Variants in CEP104 observed in about 807,000 individuals in gnomAD.
The protein encoded by CEP104 is centrosomal protein of 104 kDa.
CEP104 carries 84 observed loss-of-function variants against 113.3 expected under a neutral mutation model. The ratio of observed to expected loss-of-function variants is 0.74; its 90% confidence interval spans 0.62 to 0.89. CEP104 has a LOEUF of 0.89. Among genes scored for constraint, CEP104 ranks in the 40% least tolerant of loss-of-function variants. The probability of loss-of-function intolerance (pLI) is 0.00; values close to 1 mark genes in which losing one functional copy is unlikely to be tolerated. For missense variants in CEP104, 1,053 were observed against 1,156.6 expected, an observed-to-expected ratio of 0.91 and a Z score of 1.30; for synonymous variants, 378 against 421.7, an observed-to-expected ratio of 0.90 and a Z score of 1.27.
intron 20 of CEP104, among the ~76,000 whole-genome samples, chr1:3,818,374 C>G (rs1234625690): frequency 6.6e-6 from 1 of 152,224 alleles, no homozygotes; most frequent in African/African-American, 2.4e-5. Context: ...CTCCACAGCT[C>G]CAGGCTAAGC....
chr1:3,831,359 GAGC>G, intron 12 of CEP104, 137 bp from the exon 13 acceptor site: 1 of 664,112 alleles, frequency 1.5e-6, no homozygotes, highest in Non-Finnish European at 2.6e-6. Context: ...GGAGCAATGA[GAGC>G]ACTGATCCGT....
At chr1:3,826,113 G>A (rs909525978) in intron 17 of CEP104, among the ~76,000 whole-genome samples, 2 of 152,192 alleles carry the variant, frequency 1.3e-5, no homozygotes, top group Non-Finnish European at 2.9e-5. Context: ...GGAGGTGCCT[G>A]AAATCAACGG....
At chr1:3,836,962 G>C in intron 9 of CEP104, 1 of 508,902 alleles carries the variant, frequency 2.0e-6, no homozygotes, top group Non-Finnish European at 3.5e-6. Flanking sequence ...CTGTTTACTG[G>C]TAGCAATTTC....
intron 6 of CEP104, chr1:3,843,281 C>G (rs1644445503): frequency 2.9e-6 from 2 of 694,980 alleles, no homozygotes; most frequent in Non-Finnish European, 5.3e-6. Flanking sequence ...CAGCGGGGCC[C>G]TTTAGCTCCC....
rs929909106 is a variant in CEP104 at position 3,819,907 on chromosome 1, G to C, written c.2571+3267C>G. ...GTGCTGACGGTGGGGGCCTCTAGGA[G>C]TTGAGTGGCTCCGGGTTGACAGCCC... On this transcript the variant is annotated intron_variant, in intron 20 of 21. Transcript: ENST00000378230. This position sits in a 1 kb window ranked among gnomAD's most constrained non-coding sequence, Gnocchi z 4.6. 1.3e-5 allele frequency among the ~76,000 whole-genome samples: 2 copies of C among 152,164 alleles called. No homozygotes were observed. Among genetic ancestry groups the C allele is most frequent in the African/African-American group, 4.8e-5 (2 of 41,434 alleles).
At chr1:3,848,255 G>A (rs938729195) in intron 3 of CEP104, among the ~76,000 whole-genome samples, 2 of 152,068 alleles carry the variant, frequency 1.3e-5, no homozygotes, top group African/African-American at 2.4e-5. Flanking sequence ...TTTCAGGGCC[G>A]AGCGCGGTGA....
chr1:3,837,385 C>G lies in CEP104; in HGVS notation c.1026G>C (p.Gln342His). Reference protein sequence around the residue: ...TENQFAEPFLQEKPSSYSLTI... With the variant: ...TENQFAEPFLHEKPSSYSLTI... The stretch of plus-strand genomic sequence containing the variant: ...TTAGAGAATATGATGAAGGCTTTTC[C>G]TGAAGGAAAGGTTCTGCAAACTGGT... Residue 342 changes from glutamine (Q) to histidine (H), a missense_variant, in exon 9 of 22, where the codon CAG (glutamine) becomes CAC (histidine). By Grantham distance (24) the Gln-to-His change is conservative. Transcript: ENST00000378230. 6.2e-7 allele frequency: 1 copy of G among 1,614,192 alleles called. No homozygotes were observed. Among genetic ancestry groups the G allele is most frequent in the Non-Finnish European group, 8.5e-7 (1 of 1,180,038 alleles).
chr1:3,820,784 G>C (rs1643957368), intron 20 of CEP104, among the ~76,000 whole-genome samples: 1 of 152,216 alleles, frequency 6.6e-6, no homozygotes, highest in South Asian at 2.1e-4. Context: ...CTAATTTCCA[G>C]TGGCATCTCC....
chr1:3,855,896 T>G (rs35946672), intron 1 of CEP104: 64 of 985,168 alleles, frequency 6.5e-5, no homozygotes, highest in Non-Finnish European at 7.5e-5. Flanking sequence ...GGATCCCTGT[T>G]GTCCCAGGGG....
chr1:3,835,690 A>G (rs1644296089), intron 10 of CEP104, among the ~76,000 whole-genome samples: 1 of 152,176 alleles, frequency 6.6e-6, no homozygotes, highest in African/African-American at 2.4e-5. Flanking sequence ...CATTTCTATA[A>G]GGAGATACTT....
chr1:3,830,911 A>G (rs575646757), intron 13 of CEP104, 135 bp downstream of exon 13: 1 of 926,834 alleles, frequency 1.1e-6, no homozygotes, highest in African/African-American at 1.7e-5. Flanking sequence ...CATTTGTTGG[A>G]TGAAACACTG....
At chr1:3,839,197 A>T in intron 7 of CEP104, 78 bp from the exon 8 acceptor site, 2 of 1,295,422 alleles carry the variant, frequency 1.5e-6, no homozygotes, top group Non-Finnish European at 2.2e-6. Context: ...TTTAAGAATC[A>T]CGCGTGAACC....
intron 6 of CEP104, 107 bp downstream of exon 6, chr1:3,844,799 TA>T: frequency 1.1e-6 from 1 of 869,824 alleles, no homozygotes. Context: ...TATCCAGCTC[TA>T]AACTGAATTT....
intron 12 of CEP104, among the ~76,000 whole-genome samples, chr1:3,832,341 A>C (rs1478067494): frequency 1.3e-5 from 2 of 152,020 alleles, no homozygotes; most frequent in Non-Finnish European, 2.9e-5. Context: ...GTAGGTCGTA[A>C]CCAGGAGTGT....
chr1:3,836,390 G>A (rs1644311116), intron 10 of CEP104, 105 bp downstream of exon 10: 8 of 1,148,814 alleles, frequency 7.0e-6, no homozygotes, highest in Admixed American at 2.7e-5. Flanking sequence ...ATGCAAAGCC[G>A]TGGGCGTTTT....
Position 3,837,497 on chromosome 1 carries a change from G to C in CEP104, c.914C>G (p.Pro305Arg). The change falls in exon 9 of 22, where the codon CCC becomes CGC. Residue 305 changes from proline (P) to arginine (R), a missense_variant. Pro to Arg is a moderately radical substitution (Grantham distance 103). Coordinates refer to ENST00000378230, the MANE Select transcript of CEP104 (RefSeq NM_014704.4). ...AELMRRPFDL[P>R]LQPLARSGSP... ...GCCAGAACGAGCGAGGGGCTGGAGGGGCAAATCAAAAGGTCTTCGCATCTA... is the reference window on the plus strand; with the variant it reads ...GCCAGAACGAGCGAGGGGCTGGAGGCGCAAATCAAAAGGTCTTCGCATCTA... 1 of 1,614,148 alleles carries C rather than the reference G, an allele frequency of 6.2e-7. No homozygotes were observed. Among genetic ancestry groups the C allele is most frequent in the Non-Finnish European group, 8.5e-7 (1 of 1,180,026 alleles).
chr1:3,854,739 A>G (rs926275039), intron 1 of CEP104, among the ~76,000 whole-genome samples: 2 of 147,062 alleles, frequency 1.4e-5, no homozygotes, highest in Non-Finnish European at 1.5e-5. Flanking sequence ...TTGGCCTCCC[A>G]AAGTGCTGGG....
At position 3,819,039 on chromosome 1, in the gene CEP104, G is replaced by T. The variant is rs1050972444; in HGVS notation, c.2572-2669C>A. On this transcript the variant is annotated intron_variant, in intron 20 of 21. Coordinates refer to ENST00000378230, the MANE Select transcript of CEP104 (RefSeq NM_014704.4). This position sits in a 1 kb window ranked among gnomAD's most constrained non-coding sequence, Gnocchi z 4.6. ...AGCTTTCTTCTGAGCAGTGTGGAGG[G>T]TGTCAAACTTCACTGTTTATCCCCC... 3.9e-5 allele frequency among the ~76,000 whole-genome samples: 6 copies of T among 152,176 alleles called. No homozygotes were observed. The highest frequency in any genetic ancestry group is 2.0e-4 in the Admixed American group (3 of 15,274).
At chr1:3,845,377 T>G (rs749618920) in intron 4 of CEP104, 26 bp from the exon 5 acceptor site, 1 of 1,475,848 alleles carries the variant, frequency 6.8e-7, no homozygotes, top group East Asian at 2.3e-5. Context: ...AATAACAGAA[T>G]TAAATATACA....
Sources: gnomAD v4.1 joint callset for allele counts (sites outside exome capture counted in the v4.1 genomes callset) on GRCh38, gnomAD v4.1.1 for gene constraint, Gnocchi (gnomAD v3.1) non-coding constraint, MANE v1.5 for transcripts, NCBI Gene and HGNC (gene_info 2026-07-23, HGNC 2026-07-21) for gene names.